Variants in PDGFRB observed in about 807,000 individuals in gnomAD.
The protein encoded by PDGFRB is platelet-derived growth factor receptor beta.
A neutral mutation model predicts 120.2 loss-of-function variants in PDGFRB; 42 were observed. The ratio of observed to expected loss-of-function variants is 0.35; its 90% CI spans 0.27 to 0.45. The LOEUF is 0.45. PDGFRB is among the 20% of genes least tolerant of loss of function. PDGFRB has a pLI of 1.00. For missense variants in PDGFRB, 1,149 were observed against 1,476.3 expected (o/e 0.78, Z 3.63); for synonymous variants, 586 against 606.8 (o/e 0.97, Z 0.50).
rs556101747 is a variant in PDGFRB, at chr5:150,125,638, G to A, written c.1675-61C>T. On this transcript the variant is annotated intron_variant, in intron 11 of 22. Coordinates refer to ENST00000261799, the MANE Select transcript of PDGFRB (RefSeq NM_002609.4). ...GAGTCTCAGGCCCTGAGCCCCATTA[G>A]GTTCGTCCGTCTAGGACACATGGGG... 4 of 1,572,766 alleles carry A rather than the reference G, an allele frequency of 2.5e-6. No individual in the cohort carries two copies. The South Asian group carries it at 4.6e-5, about 18-fold the overall frequency.
At chr5:150,150,646 G>A (rs1761052565) in intron 1 of PDGFRB, among the ~76,000 whole-genome samples, 1 of 152,096 alleles carries the variant, frequency 6.6e-6, no homozygotes, top group South Asian at 2.1e-4. Context: ...TGGGGCTAAG[G>A]CTTGGAGGTT....
intron 13 of PDGFRB, 109 bp downstream of exon 13, chr5:150,124,618 C>G (rs1008835312): frequency 9.4e-6 from 6 of 639,132 alleles, no homozygotes; most frequent in African/African-American, 1.8e-5. Flanking sequence ...GTGATGGCCC[C>G]TCTAGTGCCT....
chr5:150,133,546 T>C (rs989735337), intron 6 of PDGFRB, 40 bp downstream of exon 6: 2 of 1,561,774 alleles, frequency 1.3e-6, no homozygotes, highest in Non-Finnish European at 1.8e-6. Context: ...GTGGGGAGCG[T>C]TGAAGGAATT....
In PDGFRB at chr5:150,120,243, C is replaced by T; in HGVS notation, c.2587-120G>A. ...CACAACCACTTCTCCGTCCCATTCC[C>T]TGTGAGGGCCCTGGTCTCTGCGCAG... On this transcript the variant is annotated intron_variant, in intron 18 of 22. Transcript: ENST00000261799. This position sits in a 1 kb window ranked among gnomAD's most constrained non-coding sequence, Gnocchi z 4.3. The T allele has an allele frequency of 1.5e-6, 1 of 657,498 alleles. No homozygotes were observed. The highest frequency in any genetic ancestry group is 2.7e-4 in the Middle Eastern group (1 of 3,756). The allele number at this position is 657,498 out of a possible 1,614,324, so 40.7% of individuals were successfully genotyped here. A position where few individuals can be genotyped will look rare whatever the true frequency, so the allele number is the denominator to read the frequency against.
At chr5:150,125,414 A>T in intron 12 of PDGFRB, 31 bp downstream of exon 12, 1 of 1,591,174 alleles carries the variant, frequency 6.3e-7, no homozygotes, top group Non-Finnish European at 8.6e-7. Flanking sequence ...TTGAGTCCCC[A>T]CACTGCCACA....
At position 150,118,985 on chromosome 5, in the gene PDGFRB, G is replaced by T. The variant is rs1362135286; in HGVS notation, c.2799-133C>A. 7.9e-6 allele frequency: 5 copies of T among 629,004 alleles called. No homozygotes were observed. The East Asian group carries it at 1.4e-4, about 17-fold the overall frequency. The allele number at this position is 629,004 out of a possible 1,614,324, so 39.0% of individuals were successfully genotyped here. A position where few individuals can be genotyped will look rare whatever the true frequency, so the allele number is the denominator to read the frequency against. The stretch of plus-strand genomic sequence containing the variant: ...AGGAGCTGGAGGGAAGTGGTGGCTG[G>T]GTGTATCCAGAGGTCCTGTCTCTGG... On this transcript the variant is annotated intron_variant, in intron 20 of 22. Coordinates refer to ENST00000261799, the MANE Select transcript of PDGFRB (RefSeq NM_002609.4).
intron 9 of PDGFRB, among the ~76,000 whole-genome samples, 170 bp from the exon 10 acceptor site, chr5:150,130,138 C>T (rs1359417232): frequency 6.6e-6 from 1 of 152,218 alleles, no homozygotes; most frequent in African/African-American, 2.4e-5. Flanking sequence ...GGGGTGCTCC[C>T]ATCCCAGAAC....
chr5:150,132,842 C>A lies in PDGFRB; in HGVS notation c.1035G>T (p.Pro345=). The part of the protein sequence containing the change: ...TLQVVFEAYP[P]PTVLWFKDNR... ...TGTCTTTGAACCACAGGACAGTGGG[C>A]GGTGGGTAGGCCTCGAACACTACCT... The change falls in exon 7 of 23, where the codon CCG becomes CCT. Residue 345 remains proline (P), a synonymous_variant. Coordinates refer to ENST00000261799, the MANE Select transcript of PDGFRB (RefSeq NM_002609.4). This position sits in a 1 kb window ranked among gnomAD's most constrained non-coding sequence, Gnocchi z 5.0. The A allele has an allele frequency of 6.2e-7, 1 of 1,610,240 alleles. No homozygotes were observed. Among genetic ancestry groups the A allele is most frequent in the Non-Finnish European group, 8.5e-7 (1 of 1,178,524 alleles).
At chr5:150,127,127 C>G (rs1166464617) in intron 10 of PDGFRB, among the ~76,000 whole-genome samples, 2 of 152,236 alleles carry the variant, frequency 1.3e-5, no homozygotes, top group East Asian at 3.8e-4. Flanking sequence ...CTGATGAATC[C>G]AGACCTCAGC....
At chr5:150,140,276 G>A (rs747715434) in intron 1 of PDGFRB, among the ~76,000 whole-genome samples, 2 of 152,104 alleles carry the variant, frequency 1.3e-5, no homozygotes, top group Non-Finnish European at 2.9e-5. Flanking sequence ...GGTGGTAGTG[G>A]GCTTGCCTGT....
At position 150,120,562 on chromosome 5, in the gene PDGFRB, A is replaced by T. The variant is rs151005217; in HGVS notation, c.2586+326T>A. Among the ~76,000 whole-genome samples the T allele has an allele frequency of 2.5e-3, 375 of 152,270 alleles. 2 individuals are homozygous for T. Among genetic ancestry groups the T allele is most frequent in the Middle Eastern group, 0.014 (4 of 292 alleles). Reference sequence around the variant, plus strand: ...CCCTGCTACTGCATGTGACCTGCTCATCTTTCTTGCCCTGTCACCTGGGCT... The same window carrying T: ...CCCTGCTACTGCATGTGACCTGCTCTTCTTTCTTGCCCTGTCACCTGGGCT... On this transcript the variant is annotated intron_variant, in intron 18 of 22. Transcript: ENST00000261799. This position sits in a 1 kb window ranked among gnomAD's most constrained non-coding sequence, Gnocchi z 4.3.
intron 14 of PDGFRB, among the ~76,000 whole-genome samples, chr5:150,123,913 A>T (rs1760215749): frequency 6.6e-6 from 1 of 152,250 alleles, no homozygotes; most frequent in African/African-American, 2.4e-5. Context: ...GGTGGTCTCC[A>T]ATGGTGGGCA....
At chr5:150,143,298 C>T (rs1442624519) in intron 1 of PDGFRB, among the ~76,000 whole-genome samples, 10 of 152,236 alleles carry the variant, frequency 6.6e-5, no homozygotes, top group Admixed American at 6.5e-4. Flanking sequence ...AGGGTGACTA[C>T]TGTACAGTCC....
chr5:150,143,573 G>A (rs1486828033), intron 1 of PDGFRB, among the ~76,000 whole-genome samples: 1 of 152,200 alleles, frequency 6.6e-6, no homozygotes, highest in Admixed American at 6.5e-5. Context: ...CCTCCCGCCA[G>A]CAGCTAAAGA....
intron 1 of PDGFRB, among the ~76,000 whole-genome samples, chr5:150,149,386 G>A (rs1417111216): frequency 1.3e-5 from 2 of 152,154 alleles, no homozygotes; most frequent in Non-Finnish European, 2.9e-5. Context: ...TGACTGCAGA[G>A]CATTAAACCA....
At chr5:150,154,279 G>A (rs1477483504) in intron 1 of PDGFRB, among the ~76,000 whole-genome samples, 2 of 152,134 alleles carry the variant, frequency 1.3e-5, no homozygotes, top group African/African-American at 2.4e-5. Flanking sequence ...ATTCCTTCTG[G>A]GAATTCTGGG....
In PDGFRB at chr5:150,124,825, G is replaced by A. The variant is rs767386222; in HGVS notation, c.1814C>T (p.Thr605Ile). 6.4e-7 allele frequency: 1 copy of A among 1,571,462 alleles called. No individual in the cohort carries two copies. The change falls in exon 13 of 23, where the codon ACC (threonine) becomes ATC (isoleucine). Residue 605 changes from threonine (T) to isoleucine (I), a missense_variant. Physicochemically the swap from Thr to Ile is moderately conservative, Grantham distance 89. Around this residue, in one of 3 missense-constraint regions of PDGFRB, gnomAD observed 879 missense variants for 1,108.6 expected, o/e 0.79. Coordinates refer to ENST00000261799, the MANE Select transcript of PDGFRB (RefSeq NM_002609.4). ...CTGCCCAAAGGCCCCAGAGCCGAGG[G>A]TGCGTCCTGGTGCAGAGATGATCCA... ...LPRDQLVLGR[T>I]LGSGAFGQVV...
intron 1 of PDGFRB, among the ~76,000 whole-genome samples, chr5:150,137,763 C>A (rs945265353): frequency 1.3e-5 from 2 of 152,200 alleles, no homozygotes; most frequent in Non-Finnish European, 2.9e-5. Context: ...CCCACCCCCA[C>A]CCCCAGGGTG....
Position 150,120,458 on chromosome 5 carries a change from A to G in PDGFRB, c.2587-335T>C, listed in dbSNP as rs919755957. ...CTGGCTGCCTTTGATCTCTGGGCCT[A>G]GCGTCCCTCCATCTGGGGTTTGCGG... On this transcript the variant is annotated intron_variant, in intron 18 of 22. Transcript: ENST00000261799. The surrounding 1 kb of genome is among the most constrained non-coding windows in gnomAD (Gnocchi z 4.3). Among the ~76,000 whole-genome samples, 1 of 152,164 alleles carries G rather than the reference A, an allele frequency of 6.6e-6. No homozygotes were observed. Among genetic ancestry groups the G allele is most frequent in the African/African-American group, 2.4e-5 (1 of 41,434 alleles).
Sources: allele counts gnomAD v4.1 joint callset (sites outside exome capture counted in the v4.1 genomes callset), GRCh38; gene constraint gnomAD v4.1.1; regional missense constraint gnomAD v4.1.1; non-coding constraint Gnocchi (gnomAD v3.1); transcripts MANE v1.5; gene names NCBI Gene and HGNC (gene_info 2026-07-23, HGNC 2026-07-21).